Variants in GPAT4 observed in about 807,000 individuals in gnomAD.
GPAT4 encodes the protein 1-AGP acyltransferase 6.
In GPAT4, 17 loss-of-function variants were observed where a neutral mutation model predicts 58.0. The observed-to-expected ratio is 0.29, with a 90% CI of 0.20 to 0.44. The LOEUF is 0.44. Ranked by LOEUF, GPAT4 falls within the 20% of genes least tolerant of loss-of-function variation. The pLI is 1.00. For synonymous variants in GPAT4, 204 were observed against 210.1 expected, an observed-to-expected ratio of 0.97 and a Z score of 0.25; for missense variants, 377 against 574.5, an observed-to-expected ratio of 0.66 and a Z score of 3.51.
chr8:41,604,719 T>C (rs1217044784), intron 2 of GPAT4, among the ~76,000 whole-genome samples: 2 of 152,208 alleles, frequency 1.3e-5, no homozygotes, highest in African/African-American at 4.8e-5. Context: ...TGTGTTAAAC[T>C]CCAAGGTGGA....
chr8:41,579,688 A>AT (rs1224659711), intron 1 of GPAT4, among the ~76,000 whole-genome samples: 1 of 152,108 alleles, frequency 6.6e-6, no homozygotes, highest in Non-Finnish European at 1.5e-5. Flanking sequence ...AAATACAAAA[A>AT]TTAGCCGGAC....
At chr8:41,594,136 T>G (rs1003133142) in intron 1 of GPAT4, among the ~76,000 whole-genome samples, 2 of 152,232 alleles carry the variant, frequency 1.3e-5, no homozygotes, top group Non-Finnish European at 2.9e-5. Context: ...AATTTTTTGT[T>G]AAAGAGCAGG....
At chr8:41,613,878 C>A (rs147354722) in intron 8 of GPAT4, among the ~76,000 whole-genome samples, 8 of 151,678 alleles carry the variant, frequency 5.3e-5, no homozygotes, top group Non-Finnish European at 1.0e-4. Context: ...ATTGCACCAC[C>A]GCATTCCAGC....
chr8:41,610,332 G>T, intron 4 of GPAT4: 1 of 1,221,226 alleles, frequency 8.2e-7, no homozygotes, highest in South Asian at 1.8e-5. Flanking sequence ...GTGCTGCTCT[G>T]AGTGTGCCTT....
At chr8:41,616,375 A>C (rs1216093269) in intron 10 of GPAT4, among the ~76,000 whole-genome samples, 1 of 152,148 alleles carries the variant, frequency 6.6e-6, no homozygotes, top group Non-Finnish European at 1.5e-5. Flanking sequence ...TGACTCATGC[A>C]ACCTTGACCT....
chr8:41,611,769 G>A, intron 5 of GPAT4, 134 bp from the exon 6 acceptor site: 1 of 711,770 alleles, frequency 1.4e-6, no homozygotes, highest in Non-Finnish European at 2.4e-6. Context: ...TGCATCACAG[G>A]ACTTTCCTGT....
chr8:41,603,965 A>G (rs989862789), intron 2 of GPAT4, among the ~76,000 whole-genome samples: 3 of 152,152 alleles, frequency 2.0e-5, no homozygotes, highest in African/African-American at 7.2e-5. Context: ...TAATATAGCA[A>G]TAAGATAGCC....
At chr8:41,584,684 C>T (rs1802606128) in intron 1 of GPAT4, 1 of 152,168 alleles carries the variant, frequency 6.6e-6, no homozygotes, top group African/African-American at 2.4e-5. Flanking sequence ...AATGAATTGT[C>T]TTGGGTCTTA....
At position 41,618,370 on chromosome 8, in the gene GPAT4, T is replaced by C. The variant is rs188626859; in HGVS notation, c.1054-314T>C. Among the ~76,000 whole-genome samples, 422 of 152,314 alleles carry C rather than the reference T, an allele frequency of 2.8e-3. 4 individuals carry two copies. The highest frequency in any genetic ancestry group is 4.7e-3 in the Non-Finnish European group (320 of 68,030). On this transcript the variant is annotated intron_variant, in intron 10 of 12. Transcript: ENST00000396987. ...ATCCTTTTCTCCCTGGTTTTGGAGATGTTTGAAAACTTTATATACCTATGA... is the reference window on the plus strand; with the variant it reads ...ATCCTTTTCTCCCTGGTTTTGGAGACGTTTGAAAACTTTATATACCTATGA...
chr8:41,607,935 ATTG>A (rs1299393238), intron 2 of GPAT4, among the ~76,000 whole-genome samples: 1 of 152,122 alleles, frequency 6.6e-6, no homozygotes, highest in Admixed American at 6.6e-5. Flanking sequence ...GCATGCCAGG[ATTG>A]TTGTGAACTC....
chr8:41,617,418 T>C (rs1803627652), intron 10 of GPAT4, among the ~76,000 whole-genome samples: 1 of 152,184 alleles, frequency 6.6e-6, no homozygotes, highest in African/African-American at 2.4e-5. Flanking sequence ...TTTCTGATCA[T>C]ACACATTGCT....
At chr8:41,592,683 T>G (rs1447878060) in intron 1 of GPAT4, among the ~76,000 whole-genome samples, 1 of 152,186 alleles carries the variant, frequency 6.6e-6, no homozygotes, top group Non-Finnish European at 1.5e-5. Context: ...CAAAAACATT[T>G]CATGTTTTTC....
At chr8:41,594,353 T>C (rs567764756) in intron 1 of GPAT4, among the ~76,000 whole-genome samples, 25 of 152,300 alleles carry the variant, frequency 1.6e-4, no homozygotes, top group African/African-American at 5.5e-4. Flanking sequence ...CTGCTTATAA[T>C]CCATTTACCA....
intron 12 of GPAT4, chr8:41,619,497 AACAG>A (rs747570973): frequency 3.9e-4 from 66 of 168,508 alleles, no homozygotes; most frequent in Non-Finnish European, 1.7e-4. Flanking sequence ...GTAGTGTGAA[AACAG>A]ACAGTCTATA....
In GPAT4 at chr8:41,609,475, C is replaced by G. The variant is rs1803376721; in HGVS notation, c.225C>G (p.Pro75=). 1.2e-6 allele frequency: 2 copies of G among 1,614,140 alleles called. No homozygotes were observed. Among genetic ancestry groups the G allele is most frequent in the Non-Finnish European group, 8.5e-7 (1 of 1,180,012 alleles). ...AKEKNHQLYK[P]YTNGIIAKDP... ...AGAAGAACCACCAGCTTTACAAGCC[C>G]TACACCAACGGTAAGATGGGGGTGT... The change falls in exon 3 of 13, where the codon CCC becomes CCG. Residue 75 remains proline, a synonymous_variant. Coordinates refer to ENST00000396987, the MANE Select transcript of GPAT4 (RefSeq NM_178819.4).
rs1035680822 is a variant in GPAT4 at position 41,599,028 on chromosome 8, G to C, written c.-112G>C. ...TGTGGACTTTGGAATGGGGTTTGCT[G>C]TTCTTCGGGAACTTGCTTCCTTTCC... On this transcript the variant is annotated 5_prime_UTR_variant, in exon 2 of 13. Transcript: ENST00000396987. 6 of 1,406,186 alleles carry C rather than the reference G, an allele frequency of 4.3e-6. No individual in the cohort carries two copies. In the Admixed American group the frequency reaches 1.1e-4, roughly 27 times the overall value. The allele number at this position is 1,406,186 out of a possible 1,614,324, so 87.1% of individuals were successfully genotyped here.
At chr8:41,579,768 G>T (rs1300347313) in intron 1 of GPAT4, among the ~76,000 whole-genome samples, 1 of 152,032 alleles carries the variant, frequency 6.6e-6, no homozygotes, top group Non-Finnish European at 1.5e-5. Context: ...AACCCAGGAG[G>T]CAGAGGTTGC....
intron 5 of GPAT4, among the ~76,000 whole-genome samples, chr8:41,611,318 C>T (rs992447274): frequency 6.6e-6 from 1 of 152,198 alleles, no homozygotes; most frequent in African/African-American, 2.4e-5. Flanking sequence ...TTTTGTCCTT[C>T]AGCCCTCACA....
chr8:41,585,160 T>C (rs1395808832), intron 1 of GPAT4, among the ~76,000 whole-genome samples: 1 of 152,240 alleles, frequency 6.6e-6, no homozygotes, highest in African/African-American at 2.4e-5. Context: ...AAATTCAGCG[T>C]AGCACACATT....
Sources: allele counts gnomAD v4.1 joint callset (sites outside exome capture counted in the v4.1 genomes callset), GRCh38; gene constraint gnomAD v4.1.1; transcripts MANE v1.5; gene names NCBI Gene and HGNC (gene_info 2026-07-23, HGNC 2026-07-21).